Variants in ZZEF1 observed in about 807,000 individuals in gnomAD.
ZZEF1 encodes zinc finger ZZ-type and EF-hand domain-containing protein 1.
A neutral mutation model predicts 342.8 loss-of-function variants in ZZEF1; 157 were observed. The observed-to-expected ratio is 0.46, with a 90% confidence interval of 0.40 to 0.52. The LOEUF (loss-of-function observed/expected upper bound fraction) is 0.52, where lower values mean the gene tolerates loss of function less well. Among genes scored for constraint, ZZEF1 ranks in the 20% least tolerant of loss-of-function variants. ZZEF1 has a pLI of 0.00. For missense variants in ZZEF1, 3,480 were observed against 3,725.6 expected (o/e 0.93, Z 1.72); for synonymous variants, 1,505 against 1,429.1 (o/e 1.05, Z -1.20).
At position 4,052,144 on chromosome 17, in the gene ZZEF1, G is replaced by A; in HGVS notation, c.5435-8C>T. The stretch of plus-strand genomic sequence containing the variant: ...CCTCAGGCTTCACCCCACCTGAGGA[G>A]AAACACAGCAGTGTGAGGGGATGAG... On this transcript the variant is annotated splice_region_variant and splice_polypyrimidine_tract_variant and intron_variant, in intron 34 of 54. Transcript: ENST00000381638. The A allele has an allele frequency of 1.2e-6, 2 of 1,607,256 alleles. No individual in the cohort carries two copies. Among genetic ancestry groups the A allele is most frequent in the Non-Finnish European group, 1.7e-6 (2 of 1,176,738 alleles).
intron 42 of ZZEF1, among the ~76,000 whole-genome samples, chr17:4,031,562 A>G (rs1490975478): frequency 6.6e-6 from 1 of 152,216 alleles, no homozygotes; most frequent in African/African-American, 2.4e-5. Context: ...ATTTACATAC[A>G]CGAAAACAGC....
intron 15 of ZZEF1, 82 bp from the exon 16 acceptor site, chr17:4,085,885 A>G: frequency 2.6e-6 from 4 of 1,536,930 alleles, no homozygotes; most frequent in Non-Finnish European, 3.5e-6. Flanking sequence ...CTATAAATTC[A>G]CTACTCTCCA....
chr17:4,031,706 T>C (rs528790318), intron 42 of ZZEF1, among the ~76,000 whole-genome samples: 2 of 152,362 alleles, frequency 1.3e-5, no homozygotes, highest in African/African-American at 4.8e-5. Flanking sequence ...TGTGATATAA[T>C]ACTTTCAATG....
chr17:4,128,496 G>C (rs1597936068), intron 1 of ZZEF1, among the ~76,000 whole-genome samples: 1 of 140,568 alleles, frequency 7.1e-6, no homozygotes, highest in East Asian at 2.3e-4. Context: ...GTTTAGTTCT[G>C]TCACCCCAGC....
chr17:4,084,972 C>T (rs934182029), intron 16 of ZZEF1, among the ~76,000 whole-genome samples: 2 of 151,868 alleles, frequency 1.3e-5, no homozygotes, highest in Non-Finnish European at 2.9e-5. Context: ...ATTAGCCAGG[C>T]GTGGTGGCAT....
At chr17:4,042,318 T>C (rs1280900799) in intron 39 of ZZEF1, 111 bp downstream of exon 39, 2 of 1,195,166 alleles carry the variant, frequency 1.7e-6, no homozygotes, top group Non-Finnish European at 2.4e-6. Flanking sequence ...CTTCTAATCC[T>C]ACCCTTAAGG....
chr17:4,114,683 C>T (rs992673894), intron 3 of ZZEF1, among the ~76,000 whole-genome samples: 5 of 152,118 alleles, frequency 3.3e-5, no homozygotes, highest in African/African-American at 4.8e-5. Context: ...CAAACTGTTA[C>T]GTCATTGGCA....
In ZZEF1 at chr17:4,064,631, G is replaced by A. The variant is rs964595801; in HGVS notation, c.4448C>T (p.Ala1483Val). The change falls in exon 29 of 55, where the codon GCC (alanine) becomes GTC (valine). Residue 1483 changes from alanine to valine, a missense_variant. Physicochemically the swap from Ala to Val is moderately conservative, Grantham distance 64. This residue lies in a region of ZZEF1 where 1,528 missense variants were observed against 1,624.1 expected (regional missense o/e 0.94). Transcript: ENST00000381638. ...SVSPTEAAPP[A>V]TGDQSPGLGT... Reference sequence around the variant, plus strand: ...CAGGCCAGGACTCTGGTCTCCTGTGGCAGGGGGTGCGGCTTCAGTGGGAGA... The same window carrying A: ...CAGGCCAGGACTCTGGTCTCCTGTGACAGGGGGTGCGGCTTCAGTGGGAGA... 1 of 1,614,070 alleles carries A rather than the reference G, an allele frequency of 6.2e-7. No individual in the cohort carries two copies. The highest frequency in any genetic ancestry group is 1.3e-5 in the African/African-American group (1 of 74,908).
At position 4,075,422 on chromosome 17, in the gene ZZEF1, A is replaced by T; in HGVS notation, c.3242T>A (p.Val1081Asp). The stretch of plus-strand genomic sequence containing the variant: ...AGGCTGTTCCTGTTGCCAGGTCTCA[A>T]CATCCAGCTATGATAACAAATGAGC... ...GPEGGLRKLD[V>D]ETWQQEQPVV... Residue 1081 changes from valine (V) to aspartate (D), a missense_variant, in exon 22 of 55, where the codon GTT (valine) becomes GAT (aspartate). Physicochemically the swap from Val to Asp is radical, Grantham distance 152. Coordinates refer to ENST00000381638, the MANE Select transcript of ZZEF1 (RefSeq NM_015113.4). The T allele has an allele frequency of 6.2e-7, 1 of 1,613,790 alleles. No homozygotes were observed. The highest frequency in any genetic ancestry group is 1.3e-5 in the African/African-American group (1 of 75,026).
At chr17:4,126,946 G>C (rs1369158513) in intron 1 of ZZEF1, among the ~76,000 whole-genome samples, 2 of 152,044 alleles carry the variant, frequency 1.3e-5, no homozygotes, top group Admixed American at 1.3e-4. Context: ...CAGCCTGGGT[G>C]CTAGAGCGAG....
At chr17:4,035,550 C>G (rs2056641666) in intron 39 of ZZEF1, among the ~76,000 whole-genome samples, 1 of 152,098 alleles carries the variant, frequency 6.6e-6, no homozygotes, top group South Asian at 2.1e-4. Context: ...TCACCCAAGC[C>G]CAGGAATGCC....
rs772149963 is a variant in ZZEF1, at chr17:4,077,877, ACT to A, written c.2989+4_2989+5del. 1 of 1,612,756 alleles carries A rather than the reference ACT, an allele frequency of 6.2e-7. No individual in the cohort carries two copies. The highest frequency in any genetic ancestry group is 1.7e-5 in the Admixed American group (1 of 59,922). On this transcript the variant is annotated splice_donor_5th_base_variant and intron_variant, in intron 19 of 54. Coordinates refer to ENST00000381638, the MANE Select transcript of ZZEF1 (RefSeq NM_015113.4). ...CTGTTTTCATGGATTTTATATTGAA[ACT>A]CACATTTTTCAATAAGGTCCACGGC... is the stretch of plus-strand genomic sequence containing the variant.
At chr17:4,048,774 C>T (rs959126556) in intron 37 of ZZEF1, among the ~76,000 whole-genome samples, 11 of 151,906 alleles carry the variant, frequency 7.2e-5, no homozygotes, top group Admixed American at 2.0e-4. Flanking sequence ...AGTGCAGTGG[C>T]GCCATCTTGG....
chr17:4,109,919 G>A, intron 5 of ZZEF1, 56 bp from the exon 6 acceptor site: 1 of 1,582,642 alleles, frequency 6.3e-7, no homozygotes, highest in Non-Finnish European at 8.6e-7. Context: ...GGCAAATGCT[G>A]GGCTCCCAAC....
chr17:4,109,059 C>T (rs1355609877), intron 6 of ZZEF1, among the ~76,000 whole-genome samples: 1 of 152,046 alleles, frequency 6.6e-6, no homozygotes, highest in Non-Finnish European at 1.5e-5. Context: ...TCTTTTTGCC[C>T]TAATGATTTT....
At chr17:4,074,750 A>G (rs2057576265) in intron 23 of ZZEF1, among the ~76,000 whole-genome samples, 1 of 152,228 alleles carries the variant, frequency 6.6e-6, no homozygotes, top group Non-Finnish European at 1.5e-5. Flanking sequence ...CTTGGCTTCC[A>G]TCACATGGTC....
chr17:4,110,876 G>C (rs1212842040), intron 5 of ZZEF1, among the ~76,000 whole-genome samples: 3 of 151,942 alleles, frequency 2.0e-5, no homozygotes, highest in Admixed American at 2.0e-4. Context: ...CACCACGCCC[G>C]GCTAATTTTT....
intron 2 of ZZEF1, among the ~76,000 whole-genome samples, chr17:4,120,827 T>C (rs77164297): frequency 0.085 from 12,997 of 152,278 alleles, 618 homozygotes; most frequent in South Asian, 0.14. Context: ...AGTGTTTTCA[T>C]ATGCTGAAAC....
intron 26 of ZZEF1, among the ~76,000 whole-genome samples, chr17:4,069,687 C>T (rs1333320108): frequency 1.3e-5 from 2 of 152,046 alleles, no homozygotes; most frequent in African/African-American, 2.4e-5. Context: ...AAACATTAGC[C>T]GGGCGTGTTG....
Sources: gnomAD v4.1 joint callset for allele counts (sites outside exome capture counted in the v4.1 genomes callset) on GRCh38, gnomAD v4.1.1 for gene constraint, gnomAD v4.1.1 regional missense constraint, MANE v1.5 for transcripts, NCBI Gene and HGNC (gene_info 2026-07-23, HGNC 2026-07-21) for gene names.